TANC1: variants seen among roughly 807,000 people sequenced by gnomAD.
The protein encoded by TANC1 is protein TANC1.
A neutral mutation model predicts 149.7 loss-of-function variants in TANC1; 77 were observed. That is an observed-to-expected ratio of 0.51 (90% CI 0.43 to 0.62). The LOEUF is 0.62. Ranked by LOEUF, TANC1 falls within the 20% of genes least tolerant of loss-of-function variation. The probability of loss-of-function intolerance (pLI) is 0.00; values close to 1 mark genes in which losing one functional copy is unlikely to be tolerated. For synonymous variants in TANC1, 854 were observed against 925.0 expected, an observed-to-expected ratio of 0.92 and a Z score of 1.39; for missense variants, 1,985 against 2,321.8, an observed-to-expected ratio of 0.85 and a Z score of 2.98.
chr2:159,228,022 C>T (rs1210218544), intron 25 of TANC1, 57 bp downstream of exon 25: 56 of 1,572,604 alleles, frequency 3.6e-5, no homozygotes, highest in East Asian at 4.5e-5. Flanking sequence ...CCTTCTCCAG[C>T]AGTGAAGGCC....
At chr2:159,225,949 A>C in intron 24 of TANC1, 170 bp downstream of exon 24, 1 of 659,124 alleles carries the variant, frequency 1.5e-6, no homozygotes, top group Non-Finnish European at 2.7e-6. Context: ...TTGGAGGCCG[A>C]GGTGGGCAGA....
Position 159,223,565 on chromosome 2 carries a change from A to G in TANC1, c.3679-667A>G, listed in dbSNP as rs1001382262. ...TGAAAATCTAAAATAGCCACAGGCT[A>G]AAAAATGGCTACAGGCTAAAATGGC... On this transcript the variant is annotated intron_variant, in intron 22 of 26. Coordinates refer to ENST00000263635, the MANE Select transcript of TANC1 (RefSeq NM_033394.3). Among the ~76,000 whole-genome samples the G allele has an allele frequency of 5.3e-5, 8 of 152,368 alleles. No homozygotes were observed. In the East Asian group the frequency reaches 5.8e-4, roughly 11 times the overall value.
At chr2:159,226,682 T>C (rs966001166) in intron 24 of TANC1, 2 of 152,226 alleles carry the variant, frequency 1.3e-5, no homozygotes, top group African/African-American at 2.4e-5. Flanking sequence ...ACTTTAAATT[T>C]TTCCAAATAA....
chr2:159,169,547 CT>C (rs532991166), intron 9 of TANC1, among the ~76,000 whole-genome samples, 175 bp downstream of exon 9: 126 of 152,212 alleles, frequency 8.3e-4, no homozygotes, highest in Non-Finnish European at 1.3e-3. Flanking sequence ...CAGTTTGGGG[CT>C]TCTTCCTTTA....
At chr2:159,102,246 T>C (rs1299475031) in intron 4 of TANC1, among the ~76,000 whole-genome samples, 1 of 152,170 alleles carries the variant, frequency 6.6e-6, no homozygotes, top group African/African-American at 2.4e-5. Context: ...GACCACATTA[T>C]GTAACCCTCT....
chr2:158,985,958 T>G (rs1212942085), intron 1 of TANC1, among the ~76,000 whole-genome samples: 1 of 152,188 alleles, frequency 6.6e-6, no homozygotes, highest in African/African-American at 2.4e-5. Context: ...CCCCCTTTGA[T>G]TGGTTGTCGT....
At chr2:159,173,595 A>G (rs925745184) in intron 11 of TANC1, among the ~76,000 whole-genome samples, 1 of 152,198 alleles carries the variant, frequency 6.6e-6, no homozygotes, top group Admixed American at 6.5e-5. Context: ...ACAGAGCAAG[A>G]CTTCATCTCA....
At chr2:159,026,309 T>G (rs1369154012) in intron 2 of TANC1, among the ~76,000 whole-genome samples, 2 of 152,182 alleles carry the variant, frequency 1.3e-5, no homozygotes, top group Non-Finnish European at 2.9e-5. Context: ...GCATGCCTTC[T>G]TGGCGTGGAC....
intron 7 of TANC1, among the ~76,000 whole-genome samples, chr2:159,156,353 G>A (rs1326723098): frequency 1.3e-5 from 2 of 152,156 alleles, no homozygotes; most frequent in African/African-American, 2.4e-5. Flanking sequence ...GCTTAATGTG[G>A]GAAAGAAATT....
chr2:159,135,671 A>T (rs1052642969), intron 4 of TANC1, among the ~76,000 whole-genome samples: 1 of 152,244 alleles, frequency 6.6e-6, no homozygotes, highest in African/African-American at 2.4e-5. Flanking sequence ...GCCAGATAAG[A>T]TGCCTGTGTT....
At chr2:159,099,497 CAAAAA>C (rs758306801) in intron 4 of TANC1, among the ~76,000 whole-genome samples, 3 of 137,936 alleles carry the variant, frequency 2.2e-5, no homozygotes, top group Non-Finnish European at 3.2e-5. Context: ...GTATATTGAC[CAAAAA>C]AAAAAACAAA....
intron 2 of TANC1, among the ~76,000 whole-genome samples, chr2:159,039,800 TGTG>T (rs761999089): frequency 6.6e-6 from 1 of 152,214 alleles, no homozygotes; most frequent in Admixed American, 6.5e-5. Context: ...ATAAGTGTGA[TGTG>T]GTGCTGAGAA....
chr2:159,023,682 T>C (rs897463947), intron 2 of TANC1, among the ~76,000 whole-genome samples: 20 of 152,136 alleles, frequency 1.3e-4, no homozygotes, highest in African/African-American at 4.8e-4. Context: ...TTGTCAAAAA[T>C]AAGGCCAAGT....
At chr2:158,983,631 A>C (rs942315322) in intron 1 of TANC1, among the ~76,000 whole-genome samples, 2 of 152,128 alleles carry the variant, frequency 1.3e-5, no homozygotes, top group African/African-American at 4.8e-5. Context: ...AGACTTTTGT[A>C]ATGTTTTGCT....
intron 2 of TANC1, among the ~76,000 whole-genome samples, chr2:159,044,453 G>C (rs550612617): frequency 3.4e-4 from 52 of 152,118 alleles, no homozygotes; most frequent in Admixed American, 5.9e-4. Context: ...TATTTCAAGA[G>C]GTTTGGCGAG....
intron 3 of TANC1, among the ~76,000 whole-genome samples, chr2:159,096,402 C>A (rs900699761): frequency 4.6e-5 from 7 of 151,468 alleles, no homozygotes; most frequent in African/African-American, 1.7e-4. Flanking sequence ...TTCTGTCTAC[C>A]CTAGAATGTT....
At chr2:158,986,013 A>G (rs1044786016) in intron 1 of TANC1, among the ~76,000 whole-genome samples, 1 of 152,200 alleles carries the variant, frequency 6.6e-6, no homozygotes, top group Middle Eastern at 3.4e-3. Flanking sequence ...AGATTTGACT[A>G]TCATTTCTCT....
rs1339945852 is a variant in TANC1, at chr2:159,219,887, C to T, written c.3678+20C>T. 1.2e-6 allele frequency: 2 copies of T among 1,611,546 alleles called. No homozygotes were observed. The highest frequency in any genetic ancestry group is 1.3e-5 in the African/African-American group (1 of 74,890). ...GAGACTGTGAGTACCAGCAGGTGTT[C>T]CCCACCTCCACCTGCATTGGAAAGA... On this transcript the variant is annotated intron_variant, in intron 22 of 26. Transcript: ENST00000263635.
At chr2:159,170,405 G>A (rs1057135773) in intron 9 of TANC1, 119 bp from the exon 10 acceptor site, 12 of 907,278 alleles carry the variant, frequency 1.3e-5, no homozygotes, top group East Asian at 1.1e-4. Context: ...AATGCTTACA[G>A]ACAGATCCTA....
Sources: allele counts gnomAD v4.1 joint callset (sites outside exome capture counted in the v4.1 genomes callset), GRCh38; gene constraint gnomAD v4.1.1; transcripts MANE v1.5; gene names NCBI Gene and HGNC (gene_info 2026-07-23, HGNC 2026-07-21).